DPP6: variants seen among roughly 807,000 people sequenced by gnomAD.
DPP6 encodes the protein A-type potassium channel modulatory protein DPP6.
Under a neutral mutation model 122.6 loss-of-function variants are expected in DPP6, and 69 were observed. The observed-to-expected ratio is 0.56, with a 90% CI of 0.46 to 0.69. The LOEUF (loss-of-function observed/expected upper bound fraction) is 0.69, where lower values mean the gene tolerates loss of function less well. Ranked by LOEUF, DPP6 falls within the 30% of genes least tolerant of loss-of-function variation. The pLI is 0.00. For synonymous variants in DPP6, 418 were observed against 433.1 expected, an observed-to-expected ratio of 0.97 and a Z score of 0.43; for missense variants, 928 against 1,116.9, an observed-to-expected ratio of 0.83 and a Z score of 2.41.
the DPP6 span, among the ~76,000 whole-genome samples, chr7:153,794,098 CA>C: frequency 6.6e-6 from 1 of 152,222 alleles, no homozygotes; most frequent in Non-Finnish European, 1.5e-5. Context: ...TCGGAGCCCC[CA>C]CACAGAGTCC....
chr7:153,906,546 G>A (rs1799859723), intron 1 of DPP6, among the ~76,000 whole-genome samples: 1 of 152,146 alleles, frequency 6.6e-6, no homozygotes, highest in Non-Finnish European at 1.5e-5. Context: ...GGCCTCCCAG[G>A]CTCAGGTAAT....
At chr7:153,929,575 G>C (rs894250175) in intron 1 of DPP6, among the ~76,000 whole-genome samples, 1 of 151,998 alleles carries the variant, frequency 6.6e-6, no homozygotes, top group Non-Finnish European at 1.5e-5. Context: ...ACAGATAGAG[G>C]AGAGAGCAGC....
At chr7:154,127,642 C>CACACAG (rs1305736730) in intron 1 of DPP6, among the ~76,000 whole-genome samples, 129 of 129,542 alleles carry the variant, frequency 1.0e-3, no homozygotes, top group African/African-American at 3.7e-3. Context: ...CAGACACACA[C>CACACAG]ACACACACAG....
At chr7:153,907,659 A>T (rs1025675471) in intron 1 of DPP6, among the ~76,000 whole-genome samples, 2 of 152,156 alleles carry the variant, frequency 1.3e-5, no homozygotes, top group African/African-American at 4.8e-5. Flanking sequence ...GGAGGTCTGG[A>T]TAGAACAAGA....
the DPP6 span, among the ~76,000 whole-genome samples, chr7:153,836,765 G>A: frequency 2.6e-5 from 4 of 152,160 alleles, no homozygotes; most frequent in African/African-American, 7.2e-5. Flanking sequence ...AATATTTTAA[G>A]TTTATTGTAG....
At chr7:153,890,794 C>T (rs1434795937) in intron 1 of DPP6, among the ~76,000 whole-genome samples, 1 of 143,274 alleles carries the variant, frequency 7.0e-6, no homozygotes, top group African/African-American at 2.7e-5. Context: ...GGGTTCAAGC[C>T]ATTCTCCTGC....
At chr7:154,186,336 G>A (rs904266802) in intron 1 of DPP6, among the ~76,000 whole-genome samples, 1 of 152,230 alleles carries the variant, frequency 6.6e-6, no homozygotes, top group Non-Finnish European at 1.5e-5. Context: ...ATGGATCAGA[G>A]TCACTTGTAG....
intron 10 of DPP6, among the ~76,000 whole-genome samples, chr7:154,775,357 G>A (rs1339559175): frequency 6.6e-6 from 1 of 152,096 alleles, no homozygotes; most frequent in Non-Finnish European, 1.5e-5. Flanking sequence ...TCCATCTTGT[G>A]GCTATACATA....
chr7:153,916,600 G>A (rs1800338764), intron 1 of DPP6, among the ~76,000 whole-genome samples: 1 of 151,208 alleles, frequency 6.6e-6, no homozygotes, highest in African/African-American at 2.4e-5. Flanking sequence ...GTAGAAACGG[G>A]GTTTCACTGT....
intron 1 of DPP6, among the ~76,000 whole-genome samples, chr7:154,065,871 T>C (rs945703467): frequency 3.3e-5 from 5 of 151,904 alleles, no homozygotes; most frequent in African/African-American, 1.2e-4. Flanking sequence ...GCATGAGGGC[T>C]TCAGGAGGTG....
intron 3 of DPP6, among the ~76,000 whole-genome samples, chr7:154,487,443 G>A (rs946709391): frequency 2.0e-5 from 3 of 152,152 alleles, no homozygotes; most frequent in Non-Finnish European, 2.9e-5. Context: ...TTTCTTCAAG[G>A]TCAAGCTCAA....
At chr7:154,425,752 C>T (rs977165299) in intron 1 of DPP6, among the ~76,000 whole-genome samples, 3 of 151,884 alleles carry the variant, frequency 2.0e-5, no homozygotes, top group Admixed American at 1.3e-4. Context: ...AAGCAATCCT[C>T]CCACCTCAGC....
intron 1 of DPP6, among the ~76,000 whole-genome samples, chr7:154,215,128 C>T (rs1044101211): frequency 1.3e-5 from 2 of 152,136 alleles, no homozygotes; most frequent in African/African-American, 4.8e-5. Flanking sequence ...CACAGTTCTA[C>T]ATGGCTGGGG....
chr7:154,458,625 G>T (rs1343624383), intron 2 of DPP6, among the ~76,000 whole-genome samples: 2 of 152,172 alleles, frequency 1.3e-5, no homozygotes, highest in Non-Finnish European at 2.9e-5. Context: ...TCAAGTTTGT[G>T]GTCATTTGTC....
chr7:153,874,536 C>A, the DPP6 span, among the ~76,000 whole-genome samples: 1 of 152,094 alleles, frequency 6.6e-6, no homozygotes. Flanking sequence ...CCACTGTGCC[C>A]AGCTAATTTT....
chr7:154,813,501 C>T (rs1799205270), intron 16 of DPP6, among the ~76,000 whole-genome samples: 1 of 152,040 alleles, frequency 6.6e-6, no homozygotes, highest in African/African-American at 2.4e-5. Context: ...TGCTTATAGC[C>T]ACTATATCCA....
intron 18 of DPP6, among the ~76,000 whole-genome samples, chr7:154,870,144 TTC>T (rs1804265929): frequency 8.9e-6 from 1 of 112,256 alleles, no homozygotes; most frequent in South Asian, 2.6e-4. Flanking sequence ...GCCCAACTAA[TTC>T]TTTTTTTTTT....
At chr7:154,796,071 C>A in intron 12 of DPP6, 188 bp downstream of exon 12, 1 of 868,630 alleles carries the variant, frequency 1.2e-6, no homozygotes, top group Non-Finnish European at 1.7e-6. Context: ...CCAGAGAGCT[C>A]CAGGAGAATC....
chr7:154,468,678 A>G (rs1821999493), intron 2 of DPP6, among the ~76,000 whole-genome samples: 1 of 152,214 alleles, frequency 6.6e-6, no homozygotes, highest in Admixed American at 6.5e-5. Flanking sequence ...CCTTTGATGT[A>G]TTTGATTTAG....
Sources: gnomAD v4.1 joint callset for allele counts (sites outside exome capture counted in the v4.1 genomes callset) on GRCh38, gnomAD v4.1.1 for gene constraint, MANE v1.5 for transcripts, NCBI Gene and HGNC (gene_info 2026-07-23, HGNC 2026-07-21) for gene names.